QSOX1: variants seen among roughly 807,000 people sequenced by gnomAD.
The protein encoded by QSOX1 is quiescin sulfhydryl oxidase 1, also known as sulfhydryl oxidase 1.
A neutral mutation model predicts 76.1 loss-of-function variants in QSOX1; 40 were observed. The ratio of observed to expected loss-of-function variants is 0.53; its 90% CI spans 0.41 to 0.68. The LOEUF (loss-of-function observed/expected upper bound fraction) is 0.68. Ranked by LOEUF, QSOX1 falls within the 30% of genes least tolerant of loss-of-function variation. QSOX1 has a pLI of 0.00. For missense variants in QSOX1, 931 were observed against 974.3 expected, an observed-to-expected ratio of 0.96 and a Z score of 0.59; for synonymous variants, 392 against 413.1, an observed-to-expected ratio of 0.95 and a Z score of 0.62.
At chr1:180,161,344 T>C (rs1259722229) in intron 1 of QSOX1, among the ~76,000 whole-genome samples, 8 of 152,200 alleles carry the variant, frequency 5.3e-5, no homozygotes, top group Admixed American at 2.6e-4. Context: ...GATTGGACTT[T>C]TAACAACTTC....
intron 7 of QSOX1, among the ~76,000 whole-genome samples, chr1:180,184,771 G>A (rs941039566): frequency 9.2e-5 from 14 of 152,200 alleles, no homozygotes; most frequent in African/African-American, 3.1e-4. Flanking sequence ...GGATGCACGA[G>A]ACAGTGGGGG....
rs3834059 is a variant in QSOX1, at chr1:180,168,351, G to GTCATCTGTCCACAGACCA, written c.366+1761_366+1778dup. On this transcript the variant is annotated intron_variant, in intron 2 of 11. Coordinates refer to ENST00000367602, the MANE Select transcript of QSOX1 (RefSeq NM_002826.5). ...AGCACCTGGCAGGGCCAGTCTGGTA[G>GTCATCTGTCCACAGACCA]TCATCTGTCCACAGACCAACACGGT... Among the ~76,000 whole-genome samples, 3,336 of 152,310 alleles carry GTCATCTGTCCACAGACCA rather than the reference G, an allele frequency of 0.022. 185 individuals are homozygous for GTCATCTGTCCACAGACCA. In the East Asian group the frequency reaches 0.23, roughly 10 times the overall value.
rs1213136847 is a variant in QSOX1, at chr1:180,197,514, T to C, written c.*477T>C. 3 of 1,061,274 alleles carry C rather than the reference T, an allele frequency of 2.8e-6. No individual in the cohort carries two copies. Among genetic ancestry groups the C allele is most frequent in the Non-Finnish European group, 4.1e-6 (3 of 728,298 alleles). 65.7% of individuals were successfully genotyped at this position (1,061,274 alleles called of 1,614,324 possible). ...CCCTTCCGGACAATGAAGAAGCCTTTGCACCCTGGGAGGAAGGACCACCCC... is the reference window on the plus strand; with the variant it reads ...CCCTTCCGGACAATGAAGAAGCCTTCGCACCCTGGGAGGAAGGACCACCCC... On this transcript the variant is annotated 3_prime_UTR_variant, in exon 12 of 12. Coordinates refer to ENST00000367602, the MANE Select transcript of QSOX1 (RefSeq NM_002826.5).
chr1:180,162,933 C>T (rs957419379), intron 1 of QSOX1, among the ~76,000 whole-genome samples: 22 of 152,152 alleles, frequency 1.4e-4, no homozygotes, highest in African/African-American at 5.3e-4. Flanking sequence ...TAATCAAGGA[C>T]CTAGTAAAGA....
chr1:180,189,678 AG>A lies in QSOX1; in HGVS notation c.1140+5del, dbSNP rs1206940617. On this transcript the variant is annotated splice_donor_5th_base_variant and intron_variant, in intron 9 of 11. Coordinates refer to ENST00000367602, the MANE Select transcript of QSOX1 (RefSeq NM_002826.5). ...TGCCCTGGACGACAGGAAAGAGGTG[AG>A]TCTGGGAAGCAAATAAAGATCTCTC... 1.2e-6 allele frequency: 2 copies of A among 1,611,524 alleles called. No individual in the cohort carries two copies. The highest frequency in any genetic ancestry group is 1.7e-5 in the Admixed American group (1 of 59,828).
intron 6 of QSOX1, among the ~76,000 whole-genome samples, chr1:180,182,606 T>C (rs1417766439): frequency 6.6e-6 from 1 of 152,138 alleles, no homozygotes; most frequent in East Asian, 1.9e-4. Context: ...CCTGGCCCTC[T>C]TCTCCACCCT....
rs1197178241 is a variant in QSOX1, at chr1:180,202,294, G to A, written c.*5257G>A. The A allele has an allele frequency of 6.6e-6, 1 of 152,276 alleles. No homozygotes were observed. The highest frequency in any genetic ancestry group is 1.9e-4 in the East Asian group (1 of 5,198). 9.4% of individuals were successfully genotyped at this position (152,276 alleles called of 1,614,324 possible). A position where few individuals can be genotyped will look rare whatever the true frequency, so the allele number is the denominator to read the frequency against. ...ACTTGGTCGTCTCTATACTGAGAGA[G>A]CAAAAGCTCTTTTCCTGGGGCTGCA... On this transcript the variant is annotated 3_prime_UTR_variant, in exon 12 of 12. Transcript: ENST00000367602.
At chr1:180,166,436 G>C in intron 1 of QSOX1, 55 bp from the exon 2 acceptor site, 1 of 1,413,788 alleles carries the variant, frequency 7.1e-7, no homozygotes, top group Non-Finnish European at 1.0e-6. Context: ...GGAGATGGGC[G>C]GGCAGAGGGG....
chr1:180,157,304 G>C (rs1558182050), intron 1 of QSOX1, among the ~76,000 whole-genome samples: 1 of 152,324 alleles, frequency 6.6e-6, no homozygotes, highest in East Asian at 1.9e-4. Flanking sequence ...TCTGCTGTCA[G>C]CCTGCAATGA....
Position 180,189,634 on chromosome 1 carries a change from C to T in QSOX1, c.1100C>T (p.Pro367Leu). ...AAGAGGCAGAAGAGAAATAAAATTC[C>T]CTACAGTTTCTTTAAAACTGCCCTG... ...WLKRQKRNKI[P>L]YSFFKTALDD... Residue 367 changes from proline to leucine, a missense_variant, in exon 9 of 12, where the codon CCC becomes CTC. Physicochemically the swap from Pro to Leu is moderately conservative, Grantham distance 98. Coordinates refer to ENST00000367602, the MANE Select transcript of QSOX1 (RefSeq NM_002826.5). 6.2e-7 allele frequency: 1 copy of T among 1,613,504 alleles called. No homozygotes were observed. The highest frequency in any genetic ancestry group is 8.5e-7 in the Non-Finnish European group (1 of 1,179,608).
intron 7 of QSOX1, among the ~76,000 whole-genome samples, chr1:180,184,971 A>G (rs1663137485): frequency 6.6e-6 from 1 of 152,206 alleles, no homozygotes; most frequent in African/African-American, 2.4e-5. Context: ...TATGCAAACC[A>G]TTGACGTTCT....
intron 7 of QSOX1, among the ~76,000 whole-genome samples, chr1:180,185,061 A>G (rs1369201764): frequency 6.6e-6 from 1 of 152,168 alleles, no homozygotes; most frequent in Non-Finnish European, 1.5e-5. Context: ...TCATGGGGCC[A>G]CTTCTGGAGG....
intron 8 of QSOX1, among the ~76,000 whole-genome samples, chr1:180,186,696 C>G (rs543778646): frequency 6.6e-6 from 1 of 152,362 alleles, no homozygotes; most frequent in Non-Finnish European, 1.5e-5. Context: ...AGGGTAGCTC[C>G]TATTTATTGA....
chr1:180,160,775 G>A (rs1403794020), intron 1 of QSOX1, among the ~76,000 whole-genome samples: 1 of 152,192 alleles, frequency 6.6e-6, no homozygotes, highest in African/African-American at 2.4e-5. Context: ...GGGCATTTTG[G>A]TGAACTCTTT....
Position 180,172,897 on chromosome 1 carries a change from G to C in QSOX1, c.367-2424G>C, listed in dbSNP as rs148411611. ...CTGCTCAGATGTGGGTGACCTGATG[G>C]TTGATGACAAAAAAATGACCATATT... On this transcript the variant is annotated intron_variant, in intron 2 of 11. Transcript: ENST00000367602. 4.0e-3 allele frequency among the ~76,000 whole-genome samples: 616 copies of C among 152,242 alleles called. 4 individuals are homozygous for C. The highest frequency in any genetic ancestry group is 0.014 in the African/African-American group (596 of 41,530).
rs1362159811 is a variant in QSOX1 at position 180,196,070 on chromosome 1, T to G, written c.1469-192T>G. 2.0e-5 allele frequency among the ~76,000 whole-genome samples: 3 copies of G among 152,180 alleles called. No homozygotes were observed. The highest frequency in any genetic ancestry group is 4.4e-5 in the Non-Finnish European group (3 of 68,028). ...GTAGGTGGATCTGCCTCCTCCTCCA[T>G]GCTGCCATCTGTTGAGCTCCCACTG... On this transcript the variant is annotated intron_variant, in intron 11 of 11. Transcript: ENST00000367602. This position sits in a 1 kb window ranked among gnomAD's most constrained non-coding sequence, Gnocchi z 4.1.
chr1:180,179,137 GA>G (rs1220853138), intron 5 of QSOX1, among the ~76,000 whole-genome samples: 5 of 152,250 alleles, frequency 3.3e-5, no homozygotes, highest in African/African-American at 1.2e-4. Flanking sequence ...CATTGGACCA[GA>G]TTGCTGACAC....
In QSOX1 at chr1:180,189,335, C is replaced by T. The variant is rs1263011101; in HGVS notation, c.1018-217C>T. The stretch of plus-strand genomic sequence containing the variant: ...CACCTTCCCTACCCTGTCTTCTAGC[C>T]TTACCAGGTGTCCCAGAGCAAAGGT... On this transcript the variant is annotated intron_variant, in intron 8 of 11. Coordinates refer to ENST00000367602, the MANE Select transcript of QSOX1 (RefSeq NM_002826.5). Among the ~76,000 whole-genome samples the T allele has an allele frequency of 2.0e-5, 3 of 152,176 alleles. No individual in the cohort carries two copies. In the East Asian group the frequency reaches 5.8e-4, roughly 29 times the overall value.
chr1:180,179,055 T>C (rs933506284), intron 5 of QSOX1, among the ~76,000 whole-genome samples, 171 bp downstream of exon 5: 7 of 152,246 alleles, frequency 4.6e-5, no homozygotes, highest in African/African-American at 1.7e-4. Context: ...GCTGGACCTT[T>C]GCGTTTCAAA....
Sources: allele counts gnomAD v4.1 joint callset (sites outside exome capture counted in the v4.1 genomes callset), GRCh38; gene constraint gnomAD v4.1.1; non-coding constraint Gnocchi (gnomAD v3.1); transcripts MANE v1.5; gene names NCBI Gene and HGNC (gene_info 2026-07-23, HGNC 2026-07-21).